NEBL: variants seen among roughly 807,000 people sequenced by gnomAD.
The protein encoded by NEBL is LIM and SH3 protein 2.
Under a neutral mutation model 140.2 loss-of-function variants are expected in NEBL, and 122 were observed. The observed-to-expected ratio is 0.87, with a 90% confidence interval of 0.75 to 1.01. The LOEUF (loss-of-function observed/expected upper bound fraction) is 1.01, where lower values mean the gene tolerates loss of function less well. Ranked by LOEUF, NEBL falls within the 50% of genes least tolerant of loss-of-function variation. The pLI is 0.00. For synonymous variants in NEBL, 436 were observed against 398.9 expected, an observed-to-expected ratio of 1.09 and a Z score of -1.11; for missense variants, 1,365 against 1,231.3, an observed-to-expected ratio of 1.11 and a Z score of -1.62.
At chr10:20,867,248 G>C (rs74123510) in intron 7 of NEBL, among the ~76,000 whole-genome samples, 78 of 152,108 alleles carry the variant, frequency 5.1e-4, no homozygotes, top group African/African-American at 1.4e-3. Flanking sequence ...CTTTGAAAGA[G>C]TTAACATTTT....
chr10:20,891,433 T>C (rs368896271), intron 2 of NEBL, among the ~76,000 whole-genome samples: 8 of 152,338 alleles, frequency 5.3e-5, no homozygotes, highest in African/African-American at 1.9e-4. Flanking sequence ...GTATCTCCGT[T>C]ATATAATTAA....
chr10:21,128,352 A>G (rs1300614347), intron 2 of NEBL, among the ~76,000 whole-genome samples: 1 of 152,176 alleles, frequency 6.6e-6, no homozygotes, highest in Non-Finnish European at 1.5e-5. Context: ...TGGGTGAGTT[A>G]ACCTAAATGT....
At chr10:20,834,892 C>T (rs1014747758) in intron 14 of NEBL, among the ~76,000 whole-genome samples, 2 of 152,104 alleles carry the variant, frequency 1.3e-5, no homozygotes, top group Non-Finnish European at 1.5e-5. Context: ...TGATGTGATA[C>T]CCAGCCTGTC....
intron 2 of NEBL, among the ~76,000 whole-genome samples, chr10:21,097,384 G>A (rs750565136): frequency 1.3e-5 from 2 of 151,106 alleles, no homozygotes; most frequent in African/African-American, 2.4e-5. Flanking sequence ...ACTTGAACCC[G>A]GGAGGTGGAG....
intron 3 of NEBL, among the ~76,000 whole-genome samples, chr10:20,974,401 G>T (rs1182459311): frequency 6.6e-6 from 1 of 151,726 alleles, no homozygotes; most frequent in Non-Finnish European, 1.5e-5. Flanking sequence ...CTACAGGCAT[G>T]CTCCACCACA....
chr10:21,209,288 G>C lies in NEBL; in HGVS notation n.349-36811C>G, dbSNP rs539218560. On this transcript the variant is annotated intron_variant and non_coding_transcript_variant, in intron 3 of 8. Coordinates refer to the NEBL transcript ENST00000675702. ...CACTGCCTTAAGAAAACCTAGGGAA[G>C]GGTTGCCAGATAAAACACAGGACGT... Among the ~76,000 whole-genome samples, 41 of 152,302 alleles carry C rather than the reference G, an allele frequency of 2.7e-4. No homozygotes were observed. In the South Asian group the frequency reaches 7.7e-3, roughly 28 times the overall value.
intron 8 of NEBL, among the ~76,000 whole-genome samples, 162 bp from the exon 9 acceptor site, chr10:20,858,506 AT>A (rs1426109542): frequency 2.0e-5 from 3 of 152,234 alleles, no homozygotes; most frequent in Non-Finnish European, 2.9e-5. Context: ...TACTGAATGA[AT>A]TTTAAAAAGT....
chr10:21,082,797 C>T (rs1300994766), intron 2 of NEBL, among the ~76,000 whole-genome samples: 2 of 124,760 alleles, frequency 1.6e-5, no homozygotes, highest in African/African-American at 3.0e-5. Flanking sequence ...GAGTCTCACT[C>T]TGTCACCAAG....
intron 4 of NEBL, among the ~76,000 whole-genome samples, chr10:20,910,853 G>T (rs1158241806): frequency 6.6e-6 from 1 of 150,724 alleles, no homozygotes; most frequent in Admixed American, 6.6e-5. Context: ...GCCAAAGGGG[G>T]ATAGGAGTAA....
In NEBL at chr10:20,828,645, A is replaced by G. The variant is rs749791945; in HGVS notation, c.1672-11T>C. The G allele has an allele frequency of 1.3e-6, 2 of 1,500,964 alleles. No homozygotes were observed. Among genetic ancestry groups the G allele is most frequent in the Non-Finnish European group, 1.9e-6 (2 of 1,079,350 alleles). 93.0% of individuals were successfully genotyped at this position (1,500,964 alleles called of 1,614,324 possible). On this transcript the variant is annotated splice_polypyrimidine_tract_variant and intron_variant, in intron 16 of 27. Transcript: ENST00000377122. ...ATCTTTATACTTTCTCTAAAAACAT[A>G]AACAGTTAATATAAATCTGAAACTA...
At chr10:20,862,136 T>C (rs985402855) in intron 7 of NEBL, among the ~76,000 whole-genome samples, 5 of 152,188 alleles carry the variant, frequency 3.3e-5, no homozygotes, top group African/African-American at 1.2e-4. Context: ...TTCCACGCCA[T>C]GGTAAGGTTA....
At position 20,841,811 on chromosome 10, in the gene NEBL, T is replaced by C. The variant is rs544506896; in HGVS notation, c.1228-962A>G. Among the ~76,000 whole-genome samples, 14 of 152,298 alleles carry C rather than the reference T, an allele frequency of 9.2e-5. No individual in the cohort carries two copies. In the South Asian group the frequency reaches 2.3e-3, roughly 25 times the overall value. On this transcript the variant is annotated intron_variant, in intron 12 of 27. Coordinates refer to ENST00000377122, the MANE Select transcript of NEBL (RefSeq NM_006393.3). ...CATCTCTTGGTTCTGTTTTCTCTAT[T>C]GGCTTTGCTTTTGGAAGGCTGTCTC...
intron 2 of NEBL, among the ~76,000 whole-genome samples, chr10:21,067,097 C>T (rs1392357972): frequency 2.6e-5 from 4 of 151,368 alleles, no homozygotes; most frequent in South Asian, 2.1e-4. Flanking sequence ...CTCAGCCTCC[C>T]GAGTAGCTGG....
chr10:20,894,750 TAAA>T (rs35938506), intron 2 of NEBL, among the ~76,000 whole-genome samples: 5 of 114,704 alleles, frequency 4.4e-5, no homozygotes, highest in African/African-American at 1.7e-4. Context: ...CCGTCTCTAC[TAAA>T]AAAAAAAAAA....
intron 3 of NEBL, among the ~76,000 whole-genome samples, chr10:21,222,555 C>A (rs1182815979): frequency 1.3e-5 from 2 of 151,976 alleles, no homozygotes; most frequent in Admixed American, 6.6e-5. Context: ...AATTTCTAAC[C>A]CTGCCAAGTC....
intron 3 of NEBL, among the ~76,000 whole-genome samples, chr10:20,965,645 G>A (rs1836275907): frequency 6.6e-6 from 1 of 152,190 alleles, no homozygotes; most frequent in Non-Finnish European, 1.5e-5. Flanking sequence ...GTGGAGGTTT[G>A]TATGCGGAAC....
chr10:20,826,111 A>C (rs1839826065), intron 18 of NEBL, among the ~76,000 whole-genome samples: 1 of 152,198 alleles, frequency 6.6e-6, no homozygotes, highest in Non-Finnish European at 1.5e-5. Flanking sequence ...TCTTTCTTCC[A>C]ACTTGTGGAG....
intron 3 of NEBL, among the ~76,000 whole-genome samples, chr10:20,972,456 C>A (rs1589093867): frequency 2.0e-5 from 3 of 151,898 alleles, no homozygotes; most frequent in Admixed American, 6.6e-5. Context: ...ATTTAAAAAT[C>A]AATATAGGCC....
chr10:20,955,970 TC>T (rs1835782895), intron 4 of NEBL, among the ~76,000 whole-genome samples: 1 of 151,840 alleles, frequency 6.6e-6, no homozygotes, highest in Non-Finnish European at 1.5e-5. Context: ...TTCTCAAACC[TC>T]CCCTTTAGAC....
Sources: allele counts gnomAD v4.1 joint callset (sites outside exome capture counted in the v4.1 genomes callset), GRCh38; gene constraint gnomAD v4.1.1; transcripts MANE v1.5; gene names NCBI Gene and HGNC (gene_info 2026-07-23, HGNC 2026-07-21).